The following MECOM variants were observed in gnomAD, a reference collection of about 807,000 sequenced individuals.
MECOM encodes the protein histone-lysine N-methyltransferase MECOM.
Under a neutral mutation model 116.3 loss-of-function variants are expected in MECOM, and 13 were observed. The ratio of observed to expected loss-of-function variants is 0.11; its 90% confidence interval spans 0.07 to 0.18. The LOEUF (loss-of-function observed/expected upper bound fraction) is 0.18. MECOM is among the 10% of genes least tolerant of loss of function. The probability of loss-of-function intolerance (pLI) is 1.00; values close to 1 mark genes in which losing one functional copy is unlikely to be tolerated. For missense variants in MECOM, 1,299 were observed against 1,509.0 expected (o/e 0.86, Z 2.31); for synonymous variants, 528 against 535.2 (o/e 0.99, Z 0.19).
At chr3:169,165,960 A>C (rs1010369428) in intron 2 of MECOM, among the ~76,000 whole-genome samples, 1 of 152,158 alleles carries the variant, frequency 6.6e-6, no homozygotes, top group Non-Finnish European at 1.5e-5. Context: ...GCTTAAGTGA[A>C]GGGATTTTTA....
intron 1 of MECOM, among the ~76,000 whole-genome samples, chr3:169,533,296 T>C (rs1422277948): frequency 6.6e-6 from 1 of 152,218 alleles, no homozygotes; most frequent in African/African-American, 2.4e-5. Flanking sequence ...AATTCTGATT[T>C]ATCATTTTTA....
chr3:169,105,399 C>T lies in MECOM; in HGVS notation c.2604+2527G>A, dbSNP rs114761978. 4.1e-3 allele frequency among the ~76,000 whole-genome samples: 617 copies of T among 152,086 alleles called. 3 individuals are homozygous for T. The highest frequency in any genetic ancestry group is 0.017 in the South Asian group (81 of 4,820). ...CTCTCTTGCTATCTGGTCTGAGTCACGTGATGTTCCTCCAAAAGTAACACT... is the reference window on the plus strand; with the variant it reads ...CTCTCTTGCTATCTGGTCTGAGTCATGTGATGTTCCTCCAAAAGTAACACT... On this transcript the variant is annotated intron_variant, in intron 10 of 16. Coordinates refer to ENST00000651503, the MANE Select transcript of MECOM (RefSeq NM_004991.4).
chr3:169,465,340 T>C (rs538507371), intron 1 of MECOM, among the ~76,000 whole-genome samples: 95 of 152,368 alleles, frequency 6.2e-4, no homozygotes, highest in African/African-American at 2.1e-3. Flanking sequence ...CCTAGTATTG[T>C]TATTTAATTG....
chr3:169,538,014 C>T (rs1038331926), intron 1 of MECOM, among the ~76,000 whole-genome samples: 1 of 152,040 alleles, frequency 6.6e-6, no homozygotes, highest in African/African-American at 2.4e-5. Flanking sequence ...ATAATGATAC[C>T]TGGGGTCCTA....
At chr3:169,406,096 C>A (rs960080586) in intron 1 of MECOM, among the ~76,000 whole-genome samples, 12 of 152,220 alleles carry the variant, frequency 7.9e-5, no homozygotes, top group Admixed American at 7.8e-4. Context: ...CTCATACATA[C>A]ACTTTGATTT....
At chr3:169,378,430 A>AAAGAAAGAAAG in intron 2 of MECOM, among the ~76,000 whole-genome samples, 1 of 78,974 alleles carries the variant, frequency 1.3e-5, no homozygotes, top group South Asian at 3.6e-4. Flanking sequence ...AGAAAGAAAG[A>AAAGAAAGAAAG]AAGAAAGAAA....
intron 1 of MECOM, among the ~76,000 whole-genome samples, chr3:169,586,810 G>C (rs1358197458): frequency 6.6e-6 from 1 of 152,242 alleles, no homozygotes; most frequent in Non-Finnish European, 1.5e-5. Flanking sequence ...AGTTTGGTCA[G>C]TTCTTAAAGC....
At chr3:169,485,331 A>T (rs1751991500) in intron 1 of MECOM, among the ~76,000 whole-genome samples, 1 of 152,220 alleles carries the variant, frequency 6.6e-6, no homozygotes, top group Non-Finnish European at 1.5e-5. Context: ...GGTTAAAAAC[A>T]AAATTTTATT....
chr3:169,107,967 G>GAAACAA lies in MECOM; in HGVS notation c.2578-21_2578-16dup, dbSNP rs768268711. On this transcript the variant is annotated splice_polypyrimidine_tract_variant and intron_variant, in intron 9 of 16. Coordinates refer to ENST00000651503, the MANE Select transcript of MECOM (RefSeq NM_004991.4). The stretch of plus-strand genomic sequence containing the variant: ...GGCAGTTGGAACTGGGAGCAAAATT[G>GAAACAA]AAACAAAAACAAAAAATTACTTCTG... 5 of 1,611,240 alleles carry GAAACAA rather than the reference G, an allele frequency of 3.1e-6. No individual in the cohort carries two copies. The Admixed American group carries it at 8.4e-5, about 27-fold the overall frequency.
intron 1 of MECOM, among the ~76,000 whole-genome samples, chr3:169,405,120 A>G (rs1736491695): frequency 6.6e-6 from 1 of 152,192 alleles, no homozygotes; most frequent in South Asian, 2.1e-4. Flanking sequence ...AGCTTTGCTA[A>G]TGTTCTATCG....
intron 2 of MECOM, among the ~76,000 whole-genome samples, chr3:169,182,321 A>T (rs953623553): frequency 1.1e-4 from 16 of 152,248 alleles, no homozygotes; most frequent in Non-Finnish European, 2.2e-4. Context: ...TCATACAAAC[A>T]AGCAGACTCT....
At chr3:169,192,786 A>G (rs1747885730) in intron 2 of MECOM, among the ~76,000 whole-genome samples, 1 of 151,864 alleles carries the variant, frequency 6.6e-6, no homozygotes. Flanking sequence ...TTGCATAAAG[A>G]CCTCCCCTGA....
At chr3:169,528,389 A>G (rs1758198431) in intron 1 of MECOM, among the ~76,000 whole-genome samples, 1 of 152,190 alleles carries the variant, frequency 6.6e-6, no homozygotes, top group Non-Finnish European at 1.5e-5. Flanking sequence ...AATGTGCCCC[A>G]TTGTTGTTCA....
At chr3:169,211,601 A>C (rs1221956518) in intron 2 of MECOM, among the ~76,000 whole-genome samples, 1 of 151,994 alleles carries the variant, frequency 6.6e-6, no homozygotes, top group Non-Finnish European at 1.5e-5. Flanking sequence ...TTTGCTTCCT[A>C]TTTCACAGAC....
At chr3:169,180,571 C>T (rs6444843) in intron 2 of MECOM, among the ~76,000 whole-genome samples, 63,825 of 151,216 alleles carry the variant, frequency 0.42, 15,398 homozygotes, top group African/African-American at 0.67. Flanking sequence ...TTTCAAACTT[C>T]AAATAGAGTT....
At chr3:169,362,662 A>G (rs1306918054) in intron 2 of MECOM, among the ~76,000 whole-genome samples, 1 of 151,984 alleles carries the variant, frequency 6.6e-6, no homozygotes, top group Non-Finnish European at 1.5e-5. Context: ...CAAGAGAAAG[A>G]ACAACTGACT....
chr3:169,150,251 AGGTT>A (rs1325893464), intron 2 of MECOM, among the ~76,000 whole-genome samples: 1 of 152,190 alleles, frequency 6.6e-6, no homozygotes, highest in Non-Finnish European at 1.5e-5. Flanking sequence ...ACAGGAAAGA[AGGTT>A]AGAGGAAAAG....
chr3:169,275,579 T>A (rs1200593758), intron 2 of MECOM, among the ~76,000 whole-genome samples: 1 of 152,214 alleles, frequency 6.6e-6, no homozygotes, highest in Non-Finnish European at 1.5e-5. Flanking sequence ...AAATGGCAAT[T>A]TAAAATACAC....
chr3:169,236,805 C>T (rs1256343951), intron 2 of MECOM, among the ~76,000 whole-genome samples: 3 of 152,302 alleles, frequency 2.0e-5, no homozygotes, highest in African/African-American at 7.2e-5. Flanking sequence ...AGGTTAAGAA[C>T]CTTTGACTTT....
Sources: allele counts gnomAD v4.1 joint callset (sites outside exome capture counted in the v4.1 genomes callset), GRCh38; gene constraint gnomAD v4.1.1; transcripts MANE v1.5; gene names NCBI Gene and HGNC (gene_info 2026-07-23, HGNC 2026-07-21).